Variants in MBD2 observed in about 807,000 individuals in gnomAD.
MBD2 encodes the protein methyl-CpG binding domain protein 2, also known as methyl-CpG-binding domain protein 2.
Under a neutral mutation model 39.3 loss-of-function variants are expected in MBD2, and 9 were observed. The ratio of observed to expected loss-of-function variants is 0.23; its 90% CI spans 0.14 to 0.40. The LOEUF (loss-of-function observed/expected upper bound fraction) is 0.40. MBD2 is among the 10% of genes least tolerant of loss of function. The probability of loss-of-function intolerance (pLI) is 1.00; values close to 1 mark genes in which losing one functional copy is unlikely to be tolerated. For synonymous variants in MBD2, 233 were observed against 211.1 expected, an observed-to-expected ratio of 1.10 and a Z score of -0.90; for missense variants, 458 against 532.6, an observed-to-expected ratio of 0.86 and a Z score of 1.38.
chr18:54,177,122 C>A (rs118103508), intron 3 of MBD2, among the ~76,000 whole-genome samples: 1,962 of 152,290 alleles, frequency 0.013, 34 homozygotes, highest in South Asian at 0.056. Context: ...ATGTGCTCCT[C>A]CCACAGAAAA....
intron 6 of MBD2, among the ~76,000 whole-genome samples, chr18:54,157,692 T>G (rs188636454): frequency 1.4e-4 from 22 of 152,308 alleles, no homozygotes; most frequent in African/African-American, 5.3e-4. Context: ...AAAGGCACTA[T>G]GGAAGGGGAT....
chr18:54,164,648 A>G lies in MBD2; in HGVS notation c.984T>C (p.Ala328=). The change falls in exon 5 of 7, where the codon GCT becomes GCC. Residue 328 remains alanine (A), a synonymous_variant. Transcript: ENST00000256429. ...TGATTGGCGCAGAGCTTGTGTGCAA[A>G]GCACTGGCAACAGCAGATAAAAGGG... ...DETLLSAVAS[A]LHTSSAPITG... 6.2e-7 allele frequency: 1 copy of G among 1,614,058 alleles called. No homozygotes were observed. The highest frequency in any genetic ancestry group is 8.5e-7 in the Non-Finnish European group (1 of 1,179,918).
chr18:54,167,016 T>G (rs532435260), intron 3 of MBD2, among the ~76,000 whole-genome samples: 36 of 152,230 alleles, frequency 2.4e-4, no homozygotes, highest in Non-Finnish European at 4.3e-4. Flanking sequence ...CCTGCAGATG[T>G]GACAGTCAGT....
chr18:54,191,404 T>C (rs28637773), intron 2 of MBD2, among the ~76,000 whole-genome samples: 15,372 of 152,242 alleles, frequency 0.1, 2,647 homozygotes, highest in African/African-American at 0.35. Context: ...TTTTAGTGCC[T>C]TTAATGAATT....
chr18:54,178,445 C>A (rs928128748), intron 3 of MBD2, among the ~76,000 whole-genome samples: 5 of 151,584 alleles, frequency 3.3e-5, no homozygotes, highest in Non-Finnish European at 5.9e-5. Flanking sequence ...TATTTTAAAA[C>A]AAATTTAAAA....
chr18:54,194,451 C>T (rs2086348794), intron 2 of MBD2, among the ~76,000 whole-genome samples: 1 of 151,522 alleles, frequency 6.6e-6, no homozygotes, highest in Non-Finnish European at 1.5e-5. Context: ...AGTGATAAAA[C>T]AACAAATTTC....
chr18:54,214,304 T>G (rs1269409642), intron 1 of MBD2, among the ~76,000 whole-genome samples: 1 of 152,076 alleles, frequency 6.6e-6, no homozygotes, highest in African/African-American at 2.4e-5. Flanking sequence ...GAAGGAATCC[T>G]CCCACCTCAG....
chr18:54,197,529 GATTTT>G (rs1271956695), intron 2 of MBD2, among the ~76,000 whole-genome samples: 3 of 152,160 alleles, frequency 2.0e-5, no homozygotes, highest in Non-Finnish European at 4.4e-5. Flanking sequence ...ATTTAAAATT[GATTTT>G]ATTTACTCAC....
intron 2 of MBD2, among the ~76,000 whole-genome samples, chr18:54,192,458 C>G (rs1174255977): frequency 3.3e-5 from 5 of 152,116 alleles, no homozygotes. Flanking sequence ...GTCTCGATCT[C>G]TTGACCTTGT....
intron 1 of MBD2, among the ~76,000 whole-genome samples, chr18:54,221,810 C>T (rs1292089468): frequency 1.3e-5 from 2 of 152,210 alleles, no homozygotes; most frequent in African/African-American, 4.8e-5. Context: ...ATTTACACAA[C>T]ATCCAAGAAA....
chr18:54,220,444 G>C (rs889636911), intron 1 of MBD2, among the ~76,000 whole-genome samples: 1 of 152,122 alleles, frequency 6.6e-6, no homozygotes, highest in African/African-American at 2.4e-5. Context: ...TTTCAAAACA[G>C]CACCCAAAAA....
chr18:54,200,987 G>A (rs1215346085), intron 2 of MBD2, among the ~76,000 whole-genome samples: 1 of 151,910 alleles, frequency 6.6e-6, no homozygotes. Context: ...GGCTGAGGCA[G>A]GAGAATGGCA....
rs1478751442 is a variant in MBD2 at position 54,152,001 on chromosome 18, A to T, written c.*3323T>A. On this transcript the variant is annotated 3_prime_UTR_variant, in exon 7 of 7. Transcript: ENST00000256429. ...GCCAGGCACTGGGCTAGGCTCGGGGAACATGAGGATGAAAAAGCACAATCT... is the reference window on the plus strand; with the variant it reads ...GCCAGGCACTGGGCTAGGCTCGGGGTACATGAGGATGAAAAAGCACAATCT... 3 of 152,120 alleles carry T rather than the reference A, an allele frequency of 2.0e-5. No homozygotes were observed. The highest frequency in any genetic ancestry group is 4.4e-5 in the Non-Finnish European group (3 of 68,012). 9.4% of individuals were successfully genotyped at this position (152,120 alleles called of 1,614,324 possible). A position where few individuals can be genotyped will look rare whatever the true frequency, so the allele number is the denominator to read the frequency against.
At chr18:54,168,659 G>C (rs1217076729) in intron 3 of MBD2, among the ~76,000 whole-genome samples, 1 of 121,312 alleles carries the variant, frequency 8.2e-6, no homozygotes, top group Admixed American at 8.3e-5. Flanking sequence ...GTGTGTGTGT[G>C]TGTATCTTCT....
At chr18:54,168,217 G>C (rs1401898225) in intron 3 of MBD2, among the ~76,000 whole-genome samples, 1 of 151,606 alleles carries the variant, frequency 6.6e-6, no homozygotes, top group African/African-American at 2.4e-5. Flanking sequence ...TCCAATTCCA[G>C]ATATTAAAAA....
At chr18:54,214,577 A>C (rs762466050) in intron 1 of MBD2, among the ~76,000 whole-genome samples, 1 of 152,104 alleles carries the variant, frequency 6.6e-6, no homozygotes, top group Non-Finnish European at 1.5e-5. Flanking sequence ...GAATACAACA[A>C]AATACAGTAA....
Position 54,224,336 on chromosome 18 carries a change from C to A in MBD2, c.224G>T (p.Gly75Val), listed in dbSNP as rs2086643851. ...GCCACGGCCCCGGCCCCGGCCACGG[C>A]CACAGACGCCGCCGCCCCGGCCCGC... Reference protein sequence around the residue: ...KQAGRGGGVCGRGRGRGRGRG... With the variant: ...KQAGRGGGVCVRGRGRGRGRG... The change falls in exon 1 of 7, where the codon GGC (glycine) becomes GTC (valine). Residue 75 changes from glycine to valine, a missense_variant. Transcript: ENST00000256429. 3 of 1,063,710 alleles carry A rather than the reference C, an allele frequency of 2.8e-6. No homozygotes were observed. Among genetic ancestry groups the A allele is most frequent in the Non-Finnish European group, 3.4e-6 (3 of 881,234 alleles). 65.9% of individuals were successfully genotyped at this position (1,063,710 alleles called of 1,614,324 possible). A position where few individuals can be genotyped will look rare whatever the true frequency, so the allele number is the denominator to read the frequency against.
chr18:54,205,953 C>CACAT (rs1032960851), intron 1 of MBD2, among the ~76,000 whole-genome samples: 2 of 144,844 alleles, frequency 1.4e-5, no homozygotes, highest in Non-Finnish European at 3.0e-5. Flanking sequence ...TTAAAACACA[C>CACAT]ACATACACAC....
intron 3 of MBD2, among the ~76,000 whole-genome samples, chr18:54,170,647 T>G (rs2086173264): frequency 6.6e-6 from 1 of 152,244 alleles, no homozygotes; most frequent in Non-Finnish European, 1.5e-5. Context: ...ATATGCAATG[T>G]GTTTTTCTTG....
Sources: gnomAD v4.1 joint callset for allele counts (sites outside exome capture counted in the v4.1 genomes callset) on GRCh38, gnomAD v4.1.1 for gene constraint, MANE v1.5 for transcripts, NCBI Gene and HGNC (gene_info 2026-07-23, HGNC 2026-07-21) for gene names.